CNNM4: variants seen among roughly 807,000 people sequenced by gnomAD.
The protein encoded by CNNM4 is metal transporter CNNM4.
A neutral mutation model predicts 53.7 loss-of-function variants in CNNM4; 32 were observed. The observed-to-expected ratio is 0.60, with a 90% CI of 0.45 to 0.80. CNNM4 has a LOEUF of 0.80. Among genes scored for constraint, CNNM4 ranks in the 30% least tolerant of loss-of-function variants. The probability of loss-of-function intolerance (pLI) is 0.00; values close to 1 mark genes in which losing one functional copy is unlikely to be tolerated. For synonymous variants in CNNM4, 410 were observed against 440.0 expected, an observed-to-expected ratio of 0.93 and a Z score of 0.85; for missense variants, 784 against 1,022.0, an observed-to-expected ratio of 0.77 and a Z score of 3.17.
Position 96,797,388 on chromosome 2 carries a change from C to A in CNNM4, c.1547-125C>A. ...CCTCGGCGTCAGCCCAGGACCCTGCCAGCCAGAGCCTGCTGCTCCTGCGTG... is the reference window on the plus strand; with the variant it reads ...CCTCGGCGTCAGCCCAGGACCCTGCAAGCCAGAGCCTGCTGCTCCTGCGTG... On this transcript the variant is annotated intron_variant, in intron 2 of 6. Coordinates refer to ENST00000377075, the MANE Select transcript of CNNM4 (RefSeq NM_020184.4). The surrounding 1 kb of genome is among the most constrained non-coding windows in gnomAD (Gnocchi z 6.0). 1 of 1,479,712 alleles carries A rather than the reference C, an allele frequency of 6.8e-7. No homozygotes were observed. Among genetic ancestry groups the A allele is most frequent in the Non-Finnish European group, 9.3e-7 (1 of 1,071,548 alleles). 91.7% of individuals were successfully genotyped at this position (1,479,712 alleles called of 1,614,324 possible).
chr2:96,799,351 T>C, intron 4 of CNNM4, 125 bp downstream of exon 4: 1 of 1,378,178 alleles, frequency 7.3e-7, no homozygotes, highest in South Asian at 1.2e-5. Flanking sequence ...CTGCCTGCCC[T>C]TGAGCCCCGC....
rs2079109897 is a variant in CNNM4 at position 96,797,016 on chromosome 2, G to C, written c.1407G>C (p.Lys469Asn). ...ACTTGCTGCATTGTCCCACAGGGAA[G>C]TCCCACCTGGCCATCGTGCAGAAGG... ...DAMLEEFKKG[K>N]SHLAIVQKVN... The change falls in exon 2 of 7, where the codon AAG becomes AAC. Residue 469 changes from lysine to asparagine, a missense_variant. Transcript: ENST00000377075. This position sits in a 1 kb window ranked among gnomAD's most constrained non-coding sequence, Gnocchi z 6.0. 1.2e-6 allele frequency: 2 copies of C among 1,612,858 alleles called. No individual in the cohort carries two copies. Among genetic ancestry groups the C allele is most frequent in the African/African-American group, 2.7e-5 (2 of 74,888 alleles).
chr2:96,781,376 G>A (rs1558986290), intron 1 of CNNM4, among the ~76,000 whole-genome samples: 1 of 151,960 alleles, frequency 6.6e-6, no homozygotes, highest in Non-Finnish European at 1.5e-5. Flanking sequence ...AAGAGACAGA[G>A]TCTTGTTCTG....
Position 96,762,075 on chromosome 2 carries a change from T to C in CNNM4, c.1076T>C (p.Leu359Pro). 1 of 1,614,082 alleles carries C rather than the reference T, an allele frequency of 6.2e-7. No individual in the cohort carries two copies. The highest frequency in any genetic ancestry group is 8.5e-7 in the Non-Finnish European group (1 of 1,180,032). The change falls in exon 1 of 7, where the codon CTC becomes CCC. Residue 359 changes from leucine (L) to proline (P), a missense_variant. Leu to Pro is a moderately conservative substitution (Grantham distance 98). Coordinates refer to ENST00000377075, the MANE Select transcript of CNNM4 (RefSeq NM_020184.4). ...EPYNDLVKEE[L>P]NMIQGALELR... ...TATAATGACCTCGTGAAAGAGGAGCTCAATATGATCCAGGGTGCCCTGGAA... is the reference window on the plus strand; with the variant it reads ...TATAATGACCTCGTGAAAGAGGAGCCCAATATGATCCAGGGTGCCCTGGAA...
At chr2:96,778,324 G>A (rs1041552359) in intron 1 of CNNM4, among the ~76,000 whole-genome samples, 5 of 151,544 alleles carry the variant, frequency 3.3e-5, no homozygotes, top group African/African-American at 7.3e-5. Flanking sequence ...TTTGGAGGCC[G>A]AGGCAGGCAG....
chr2:96,796,919 C>G, intron 1 of CNNM4, 93 bp from the exon 2 acceptor site: 1 of 1,343,098 alleles, frequency 7.4e-7, no homozygotes, highest in South Asian at 1.2e-5. Context: ...ATCCTGGTGA[C>G]TTATGACCCT....
At position 96,791,687 on chromosome 2, in the gene CNNM4, T is replaced by C. The variant is rs549898083; in HGVS notation, c.1403-5325T>C. Among the ~76,000 whole-genome samples the C allele has an allele frequency of 7.2e-5, 11 of 152,178 alleles. No individual in the cohort carries two copies. The East Asian group carries it at 1.7e-3, about 24-fold the overall frequency. On this transcript the variant is annotated intron_variant, in intron 1 of 6. Coordinates refer to ENST00000377075, the MANE Select transcript of CNNM4 (RefSeq NM_020184.4). ...TAGTCCTTAGTCAATGAAAAATGACTGAGGAAATATAGCAAAATGTTAGTA... is the reference window on the plus strand; with the variant it reads ...TAGTCCTTAGTCAATGAAAAATGACCGAGGAAATATAGCAAAATGTTAGTA...
At chr2:96,774,103 A>G (rs1454766749) in intron 1 of CNNM4, among the ~76,000 whole-genome samples, 1 of 152,170 alleles carries the variant, frequency 6.6e-6, no homozygotes, top group Non-Finnish European at 1.5e-5. Context: ...CCTGACCGCC[A>G]GCGCATCCAT....
At position 96,808,535 on chromosome 2, in the gene CNNM4, C is replaced by T; in HGVS notation, c.1949-26C>T. On this transcript the variant is annotated intron_variant, in intron 5 of 6. Transcript: ENST00000377075. The surrounding 1 kb of genome is among the most constrained non-coding windows in gnomAD (Gnocchi z 4.9). ...GAGTGGGCATCGGAGTGGCCTTTGG[C>T]ATGACAACCTCTGCTCTCCCTGCAG... 3 of 1,613,672 alleles carry T rather than the reference C, an allele frequency of 1.9e-6. No homozygotes were observed. The highest frequency in any genetic ancestry group is 1.1e-5 in the South Asian group (1 of 91,064).
At chr2:96,775,787 A>G (rs1389874521) in intron 1 of CNNM4, among the ~76,000 whole-genome samples, 1 of 152,090 alleles carries the variant, frequency 6.6e-6, no homozygotes, top group East Asian at 1.9e-4. Flanking sequence ...GTATAGTAGC[A>G]TGATCACAGC....
intron 1 of CNNM4, among the ~76,000 whole-genome samples, chr2:96,793,355 G>T (rs2079077657): frequency 6.6e-6 from 1 of 152,344 alleles, no homozygotes; most frequent in East Asian, 1.9e-4. Flanking sequence ...CAGCCCAGGG[G>T]CCCAAAGCTC....
rs903670676 is a variant in CNNM4 at position 96,761,845 on chromosome 2, T to G, written c.846T>G (p.Phe282Leu). ...CCTCCACCATTGGCATTGTCATCTT[T>G]GGGGAGATCCTACCTCAGGCCCTGT... ...VASSTIGIVI[F>L]GEILPQALCS... Residue 282 changes from phenylalanine (F) to leucine (L), a missense_variant, in exon 1 of 7, where the codon TTT becomes TTG. Coordinates refer to ENST00000377075, the MANE Select transcript of CNNM4 (RefSeq NM_020184.4). The surrounding 1 kb of genome is among the most constrained non-coding windows in gnomAD (Gnocchi z 6.0). The G allele has an allele frequency of 1.2e-6, 2 of 1,614,036 alleles. No individual in the cohort carries two copies. Among genetic ancestry groups the G allele is most frequent in the Admixed American group, 1.7e-5 (1 of 59,998 alleles).
chr2:96,785,960 G>A (rs1004764755), intron 1 of CNNM4, among the ~76,000 whole-genome samples: 5 of 151,824 alleles, frequency 3.3e-5, no homozygotes, highest in South Asian at 2.1e-4. Context: ...GGTGGCGGGC[G>A]CCTATAGTCT....
At chr2:96,804,221 C>A (rs2079181862) in intron 5 of CNNM4, among the ~76,000 whole-genome samples, 1 of 150,468 alleles carries the variant, frequency 6.6e-6, no homozygotes, top group African/African-American at 2.4e-5. Flanking sequence ...TAGGTCACGT[C>A]ACTAATTTTT....
intron 5 of CNNM4, among the ~76,000 whole-genome samples, chr2:96,807,666 C>T (rs536954413): frequency 6.6e-6 from 1 of 151,814 alleles, no homozygotes; most frequent in African/African-American, 2.4e-5. Flanking sequence ...ACCTGGGAGG[C>T]GGAGGTTGCA....
At position 96,797,000 on chromosome 2, in the gene CNNM4, A is replaced by G. The variant is rs1454098393; in HGVS notation, c.1403-12A>G. 1.7e-5 allele frequency: 27 copies of G among 1,612,268 alleles called. No homozygotes were observed. The highest frequency in any genetic ancestry group is 1.3e-5 in the African/African-American group (1 of 74,846). The stretch of plus-strand genomic sequence containing the variant: ...TCTGGGCTCTTGTCTGACTTGCTGC[A>G]TTGTCCCACAGGGAAGTCCCACCTG... On this transcript the variant is annotated splice_polypyrimidine_tract_variant and intron_variant, in intron 1 of 6. Transcript: ENST00000377075.
chr2:96,762,137 C>G lies in CNNM4; in HGVS notation c.1138C>G (p.Leu380Val). The part of the protein sequence containing the change: ...TKTVEDIMTQ[L>V]QDCFMIRSDA... ...AACTGTAGAGGATATCATGACCCAG[C>G]TCCAGGACTGCTTCATGATCCGCAG... Residue 380 changes from leucine to valine, a missense_variant, in exon 1 of 7, where the codon CTC becomes GTC. By Grantham distance (32) the Leu-to-Val change is conservative. Coordinates refer to ENST00000377075, the MANE Select transcript of CNNM4 (RefSeq NM_020184.4). 1 of 1,614,122 alleles carries G rather than the reference C, an allele frequency of 6.2e-7. No individual in the cohort carries two copies. Among genetic ancestry groups the G allele is most frequent in the South Asian group, 1.1e-5 (1 of 91,080 alleles).
Position 96,761,105 on chromosome 2 carries a change from CG to C in CNNM4, c.110del (p.Gly37AlafsTer13). The C allele has an allele frequency of 6.5e-7, 1 of 1,544,576 alleles. No homozygotes were observed. The highest frequency in any genetic ancestry group is 8.8e-7 in the Non-Finnish European group (1 of 1,139,772). On this transcript the variant is annotated frameshift_variant, in exon 1 of 7. Transcript: ENST00000377075. LOFTEE classifies it high-confidence loss of function. The surrounding 1 kb of genome is among the most constrained non-coding windows in gnomAD (Gnocchi z 6.0). ...GGTGCTGCTGTGGGCGCTGGGGGCC[CG>C]GGGCCAGGGCAGCCCCCAGCAGGGC... Reference protein sequence around the residue: ...LLVLLWALGARGQGSPQQGTI... With the variant: ...LLVLLWALGAXGQGSPQQGTI...
intron 1 of CNNM4, among the ~76,000 whole-genome samples, chr2:96,768,414 C>T (rs140846295): frequency 1.1e-4 from 17 of 152,260 alleles, no homozygotes; most frequent in East Asian, 7.7e-4. Flanking sequence ...GAGAGAGACA[C>T]GTGAACAACG....
Sources: allele counts gnomAD v4.1 joint callset (sites outside exome capture counted in the v4.1 genomes callset), GRCh38; gene constraint gnomAD v4.1.1; non-coding constraint Gnocchi (gnomAD v3.1); transcripts MANE v1.5; gene names NCBI Gene and HGNC (gene_info 2026-07-23, HGNC 2026-07-21).